DAG1: variants seen among roughly 807,000 people sequenced by gnomAD.
DAG1 encodes dystroglycan 1 (dystrophin-associated glycoprotein 1).
In DAG1, 8 loss-of-function variants were observed where a neutral mutation model predicts 46.1. The observed-to-expected ratio is 0.17, with a 90% CI of 0.10 to 0.31. DAG1 has a LOEUF of 0.31. DAG1 is among the 10% of genes least tolerant of loss of function. The probability of loss-of-function intolerance (pLI) is 1.00; values close to 1 mark genes in which losing one functional copy is unlikely to be tolerated. For synonymous variants in DAG1, 495 were observed against 481.8 expected (o/e 1.03, Z -0.36); for missense variants, 1,003 against 1,189.9 (o/e 0.84, Z 2.31).
intron 1 of DAG1, among the ~76,000 whole-genome samples, chr3:49,488,059 C>T (rs2050085691): frequency 6.6e-6 from 1 of 152,132 alleles, no homozygotes; most frequent in East Asian, 1.9e-4. Context: ...ACTAGAAAAA[C>T]ATAGCATCAT....
At chr3:49,475,159 C>T (rs2049644826) in intron 1 of DAG1, among the ~76,000 whole-genome samples, 1 of 148,928 alleles carries the variant, frequency 6.7e-6, no homozygotes, top group African/African-American at 2.5e-5. Context: ...GATTCGAGTG[C>T]AATGGTGCGA....
chr3:49,512,715 C>T (rs1436874760), intron 2 of DAG1, among the ~76,000 whole-genome samples: 1 of 151,198 alleles, frequency 6.6e-6, no homozygotes, highest in African/African-American at 2.4e-5. Context: ...CACCTGTAAT[C>T]CTAGCACTTT....
At chr3:49,473,076 C>G (rs1219598940) in intron 1 of DAG1, among the ~76,000 whole-genome samples, 1 of 144,550 alleles carries the variant, frequency 6.9e-6, no homozygotes, top group African/African-American at 2.6e-5. Flanking sequence ...AGCTGAAAGC[C>G]TGGGTGACAA....
At chr3:49,491,313 T>G (rs1350364285) in intron 1 of DAG1, among the ~76,000 whole-genome samples, 1 of 121,048 alleles carries the variant, frequency 8.3e-6, no homozygotes, top group Non-Finnish European at 1.8e-5. Flanking sequence ...CCCAGCCAAG[T>G]TGTTTTTTTT....
chr3:49,504,256 T>C (rs1198757336), intron 1 of DAG1, among the ~76,000 whole-genome samples: 1 of 131,048 alleles, frequency 7.6e-6, no homozygotes, highest in Admixed American at 9.1e-5. Flanking sequence ...TATGTAACCT[T>C]TTGGGGTTGG....
Position 49,527,085 on chromosome 3 carries a change from A to G in DAG1, c.286-3712A>G, listed in dbSNP as rs151289082. Reference sequence around the variant, plus strand: ...CCTTGAGAAGGCAGGGCCCTTCTCTATTTTCTGTTAAAAAGTGCCCTTGTG... The same window carrying G: ...CCTTGAGAAGGCAGGGCCCTTCTCTGTTTTCTGTTAAAAAGTGCCCTTGTG... On this transcript the variant is annotated intron_variant, in intron 2 of 2. Coordinates refer to ENST00000308775, the MANE Select transcript of DAG1 (RefSeq NM_004393.6). Among the ~76,000 whole-genome samples the G allele has an allele frequency of 9.3e-3, 1,416 of 152,202 alleles. 29 individuals are homozygous for G. The highest frequency in any genetic ancestry group is 0.031 in the African/African-American group (1,292 of 41,536).
At chr3:49,494,541 G>T (rs1206766601) in intron 1 of DAG1, among the ~76,000 whole-genome samples, 4 of 152,044 alleles carry the variant, frequency 2.6e-5, no homozygotes, top group African/African-American at 7.2e-5. Context: ...TTAATCTTTC[G>T]TAGTGTAATG....
At chr3:49,514,487 T>C (rs1258822636) in intron 2 of DAG1, among the ~76,000 whole-genome samples, 1 of 152,168 alleles carries the variant, frequency 6.6e-6, no homozygotes, top group African/African-American at 2.4e-5. Context: ...CCTTTTTTTT[T>C]TGAGACAGAG....
chr3:49,469,871 G>A (rs1450284766), upstream of DAG1, among the ~76,000 whole-genome samples: 3 of 152,246 alleles, frequency 2.0e-5, no homozygotes, highest in African/African-American at 4.8e-5. Context: ...AGTCCTGACT[G>A]TCCCTTGATT....
chr3:49,503,827 C>A (rs1253772482), intron 1 of DAG1, among the ~76,000 whole-genome samples: 194 of 130,640 alleles, frequency 1.5e-3, no homozygotes, highest in East Asian at 2.6e-3. Flanking sequence ...GACCCTGTCT[C>A]AAAAAAAAAA....
chr3:49,533,669 T>C lies in DAG1; in HGVS notation c.*470T>C, dbSNP rs1575415503. 1 of 307,070 alleles carries C rather than the reference T, an allele frequency of 3.3e-6. No individual in the cohort carries two copies. The highest frequency in any genetic ancestry group is 2.2e-5 in the African/African-American group (1 of 45,590). 19.0% of individuals were successfully genotyped at this position (307,070 alleles called of 1,614,324 possible). A position where few individuals can be genotyped will look rare whatever the true frequency, so the allele number is the denominator to read the frequency against. On this transcript the variant is annotated 3_prime_UTR_variant, in exon 3 of 3. Transcript: ENST00000308775. Reference sequence around the variant, plus strand: ...ACTAAAGATTAAATTCAAAGGACTTTCAGAAGTTAAGGTTAAGTTTTTACG... The same window carrying C: ...ACTAAAGATTAAATTCAAAGGACTTCCAGAAGTTAAGGTTAAGTTTTTACG...
At chr3:49,483,218 C>G (rs201524952) in intron 1 of DAG1, among the ~76,000 whole-genome samples, 1 of 64,590 alleles carries the variant, frequency 1.5e-5, no homozygotes. Flanking sequence ...TTTTTTTTTT[C>G]TTTTGAGACA....
chr3:49,486,174 A>G (rs1303656029), intron 1 of DAG1, among the ~76,000 whole-genome samples: 2 of 149,184 alleles, frequency 1.3e-5, no homozygotes, highest in Non-Finnish European at 3.0e-5. Context: ...TTATACCACT[A>G]TTTTCTTTTT....
chr3:49,480,239 A>AC (rs1159279224), intron 1 of DAG1, among the ~76,000 whole-genome samples: 1 of 143,692 alleles, frequency 7.0e-6, no homozygotes, highest in Non-Finnish European at 1.5e-5. Context: ...GGCGTGAGCC[A>AC]CTGTGCCTGG....
At chr3:49,493,580 G>A (rs2050241380) in intron 1 of DAG1, among the ~76,000 whole-genome samples, 1 of 152,154 alleles carries the variant, frequency 6.6e-6, no homozygotes, top group Admixed American at 6.6e-5. Context: ...GAAGTTTTGA[G>A]GAGGAGGAAA....
At position 49,532,512 on chromosome 3, in the gene DAG1, G is replaced by T. The variant is rs767648246; in HGVS notation, c.2001G>T (p.Glu667Asp). 1 of 1,614,176 alleles carries T rather than the reference G, an allele frequency of 6.2e-7. No homozygotes were observed. The highest frequency in any genetic ancestry group is 1.6e-4 in the Middle Eastern group (1 of 6,062). ...VEWTNNTLPL[E>D]PCPKEQIAGL... ...GGACCAACAACACACTGCCCTTGGA[G>T]CCCTGCCCCAAGGAGCAGATCGCTG... The change falls in exon 3 of 3, where the codon GAG (glutamate) becomes GAT (aspartate). Residue 667 changes from glutamate to aspartate, a missense_variant. By Grantham distance (45) the Glu-to-Asp change is conservative. Transcript: ENST00000308775. The surrounding 1 kb of genome is among the most constrained non-coding windows in gnomAD (Gnocchi z 5.4).
intron 1 of DAG1, among the ~76,000 whole-genome samples, chr3:49,506,732 G>T (rs752771288): frequency 3.3e-5 from 5 of 151,926 alleles, no homozygotes; most frequent in African/African-American, 1.2e-4. Context: ...AAAGACTTTC[G>T]TGTCTGTTTT....
In DAG1 at chr3:49,535,399, A is replaced by G. The variant is rs1037428081; in HGVS notation, c.*2200A>G. Reference sequence around the variant, plus strand: ...TGGAGGCGATGGGGCAGTGAACAGAATAACAACAGCAACAATGCCTTTGCA... The same window carrying G: ...TGGAGGCGATGGGGCAGTGAACAGAGTAACAACAGCAACAATGCCTTTGCA... On this transcript the variant is annotated 3_prime_UTR_variant, in exon 3 of 3. Transcript: ENST00000308775. The G allele has an allele frequency of 6.5e-6, 1 of 152,716 alleles. No homozygotes were observed. The highest frequency in any genetic ancestry group is 1.9e-4 in the East Asian group (1 of 5,206). The allele number at this position is 152,716 out of a possible 1,614,324, so 9.5% of individuals were successfully genotyped here.
chr3:49,517,367 C>T (rs2050925497), intron 2 of DAG1, among the ~76,000 whole-genome samples: 1 of 152,142 alleles, frequency 6.6e-6, no homozygotes, highest in South Asian at 2.1e-4. Flanking sequence ...TTTTGTGTGT[C>T]AGCATGCTTT....
Sources: allele counts gnomAD v4.1 joint callset (sites outside exome capture counted in the v4.1 genomes callset), GRCh38; gene constraint gnomAD v4.1.1; non-coding constraint Gnocchi (gnomAD v3.1); transcripts MANE v1.5; gene names NCBI Gene and HGNC (gene_info 2026-07-23, HGNC 2026-07-21).